Variants in KCNJ6 observed in about 807,000 individuals in gnomAD.
The protein encoded by KCNJ6 is potassium inwardly rectifying channel subfamily J member 6, also known as G protein-activated inward rectifier potassium channel 2.
KCNJ6 carries 9 observed loss-of-function variants against 34.2 expected under a neutral mutation model. The observed-to-expected ratio is 0.26, with a 90% CI of 0.16 to 0.46. KCNJ6 has a LOEUF of 0.46. Among genes scored for constraint, KCNJ6 ranks in the 20% least tolerant of loss-of-function variants. KCNJ6 has a pLI of 1.00. For synonymous variants in KCNJ6, 196 were observed against 207.1 expected (o/e 0.95, Z 0.46); for missense variants, 236 against 531.3 (o/e 0.44, Z 5.46).
Position 37,622,633 on chromosome 21 carries a change from A to G in KCNJ6, c.*2526T>C. 1 of 152,190 alleles carries G rather than the reference A, an allele frequency of 6.6e-6. No individual in the cohort carries two copies. 9.4% of individuals were successfully genotyped at this position (152,190 alleles called of 1,614,324 possible). A position where few individuals can be genotyped will look rare whatever the true frequency, so the allele number is the denominator to read the frequency against. ...CTACATTGACAACAAAGACAGTGAG[A>G]AACAGGGAGAGACCTCACATCTGGG... On this transcript the variant is annotated 3_prime_UTR_variant, in exon 4 of 4. Transcript: ENST00000609713.
At chr21:37,696,574 A>G (rs1044609456) in intron 3 of KCNJ6, among the ~76,000 whole-genome samples, 2 of 152,270 alleles carry the variant, frequency 1.3e-5, no homozygotes, top group African/African-American at 4.8e-5. Flanking sequence ...ATTGAGAGAC[A>G]TGACAACAAA....
At position 37,675,444 on chromosome 21, in the gene KCNJ6, G is replaced by A. The variant is rs546274997; in HGVS notation, c.946+38767C>T. Among the ~76,000 whole-genome samples the A allele has an allele frequency of 0.36, 88 of 244 alleles. No individual in the cohort carries two copies. Among genetic ancestry groups the A allele is most frequent in the African/African-American group, 0.47 (77 of 164 alleles). 0.2% of individuals were successfully genotyped at this position (244 alleles called of 152,430 possible). A position where few individuals can be genotyped will look rare whatever the true frequency, so the allele number is the denominator to read the frequency against. On this transcript the variant is annotated intron_variant, in intron 3 of 3. Coordinates refer to ENST00000609713, the MANE Select transcript of KCNJ6 (RefSeq NM_002240.5). The surrounding 1 kb of genome is among the most constrained non-coding windows in gnomAD (Gnocchi z 4.2). ...TCTTTCAGGGCTGCAGGTACGGTGCGGGTTTCTGGTGCGCTGACCGCGCTG... is the reference window on the plus strand; with the variant it reads ...TCTTTCAGGGCTGCAGGTACGGTGCAGGTTTCTGGTGCGCTGACCGCGCTG...
chr21:37,699,475 C>T (rs975339826), intron 3 of KCNJ6, among the ~76,000 whole-genome samples: 7 of 152,300 alleles, frequency 4.6e-5, no homozygotes, highest in Middle Eastern at 3.4e-3. Context: ...TTCTGGAAAG[C>T]GATCACCCTT....
chr21:37,880,963 A>G (rs185044467), intron 1 of KCNJ6, among the ~76,000 whole-genome samples: 64 of 152,324 alleles, frequency 4.2e-4, no homozygotes, highest in Admixed American at 1.2e-3. Flanking sequence ...GGAGGATCTG[A>G]AAATTAAAAT....
chr21:37,858,392 CAAAAAAAAAAA>C (rs60814205), intron 1 of KCNJ6, among the ~76,000 whole-genome samples: 1 of 54,500 alleles, frequency 1.8e-5, no homozygotes, highest in African/African-American at 7.5e-5. Context: ...GACTCCGTCT[CAAAAAAAAAAA>C]AAAAAAAAAA....
chr21:37,704,648 G>GT (rs1326901554), intron 3 of KCNJ6, among the ~76,000 whole-genome samples: 1 of 133,646 alleles, frequency 7.5e-6, no homozygotes, highest in Admixed American at 8.2e-5. Context: ...GATGGCCTCA[G>GT]TATGAGTCGT....
At chr21:37,637,028 C>T (rs539044704) in intron 3 of KCNJ6, among the ~76,000 whole-genome samples, 6 of 152,216 alleles carry the variant, frequency 3.9e-5, no homozygotes, top group Admixed American at 6.5e-5. Context: ...CACCAGGCTA[C>T]ATAGATGATG....
chr21:37,802,999 G>C (rs2835969), intron 2 of KCNJ6, among the ~76,000 whole-genome samples: 64,720 of 152,034 alleles, frequency 0.43, 15,807 homozygotes, highest in Non-Finnish European at 0.53. Flanking sequence ...TTACCCACCA[G>C]TCTCAGCAGG....
intron 2 of KCNJ6, among the ~76,000 whole-genome samples, chr21:37,804,918 A>T (rs2055286341): frequency 6.6e-6 from 1 of 152,216 alleles, no homozygotes; most frequent in Non-Finnish European, 1.5e-5. Context: ...TGATGAATGG[A>T]TAATTATGAT....
At chr21:37,696,432 A>C (rs1017936308) in intron 3 of KCNJ6, among the ~76,000 whole-genome samples, 5 of 152,186 alleles carry the variant, frequency 3.3e-5, no homozygotes, top group African/African-American at 1.2e-4. Flanking sequence ...CATAACCTAA[A>C]TCTAATCATG....
chr21:37,761,411 T>C (rs1434629975), intron 2 of KCNJ6, among the ~76,000 whole-genome samples: 1 of 151,388 alleles, frequency 6.6e-6, no homozygotes, highest in Non-Finnish European at 1.5e-5. Context: ...TATATTTGTG[T>C]ATGTGGTGTG....
At chr21:37,784,507 G>A (rs1601469807) in intron 2 of KCNJ6, among the ~76,000 whole-genome samples, 1 of 152,190 alleles carries the variant, frequency 6.6e-6, no homozygotes, top group Non-Finnish European at 1.5e-5. Flanking sequence ...TTGGAAATAC[G>A]GTCTTTGCAC....
intron 2 of KCNJ6, among the ~76,000 whole-genome samples, chr21:37,804,572 T>A (rs1376150392): frequency 6.6e-6 from 1 of 152,138 alleles, no homozygotes; most frequent in Middle Eastern, 3.2e-3. Context: ...TTCTCCCTCC[T>A]CCCATCCTCC....
chr21:37,806,799 G>C (rs2055295667), intron 2 of KCNJ6, among the ~76,000 whole-genome samples: 2 of 152,144 alleles, frequency 1.3e-5, no homozygotes, highest in African/African-American at 4.8e-5. Context: ...ATAAATTGCT[G>C]AGATGAGTAA....
At chr21:37,709,074 G>C (rs143387097) in intron 3 of KCNJ6, among the ~76,000 whole-genome samples, 1 of 152,166 alleles carries the variant, frequency 6.6e-6, no homozygotes, top group African/African-American at 2.4e-5. Context: ...CTGATACATG[G>C]TTGTTTAAAA....
chr21:37,772,344 T>C (rs2055121581), intron 2 of KCNJ6, among the ~76,000 whole-genome samples: 1 of 151,914 alleles, frequency 6.6e-6, no homozygotes, highest in Admixed American at 6.6e-5. Flanking sequence ...TATTTAGGGT[T>C]CATTGATAGA....
At chr21:37,747,405 G>A (rs2054972808) in intron 2 of KCNJ6, among the ~76,000 whole-genome samples, 1 of 152,234 alleles carries the variant, frequency 6.6e-6, no homozygotes, top group Admixed American at 6.5e-5. Flanking sequence ...ATTAGGAAAA[G>A]CTGGCAAAGG....
rs150589216 is a variant in KCNJ6 at position 37,859,032 on chromosome 21, A to T, written c.-27-18323T>A. ...TATAGAAGAACAAAATGAAACTCTC[A>T]TTCTACCGAATTTACAAAATTGCAA... On this transcript the variant is annotated intron_variant, in intron 1 of 3. Transcript: ENST00000609713. Among the ~76,000 whole-genome samples, 31 of 152,362 alleles carry T rather than the reference A, an allele frequency of 2.0e-4. No homozygotes were observed. The East Asian group carries it at 5.8e-3, about 28-fold the overall frequency.
chr21:37,819,348 G>A (rs1028567663), intron 2 of KCNJ6, among the ~76,000 whole-genome samples: 1 of 152,086 alleles, frequency 6.6e-6, no homozygotes, highest in Admixed American at 6.5e-5. Context: ...AAAAACTGAG[G>A]TCGTTCTGTT....
Sources: allele counts gnomAD v4.1 joint callset (sites outside exome capture counted in the v4.1 genomes callset), GRCh38; gene constraint gnomAD v4.1.1; non-coding constraint Gnocchi (gnomAD v3.1); transcripts MANE v1.5; gene names NCBI Gene and HGNC (gene_info 2026-07-23, HGNC 2026-07-21).